BRD4: variants seen among roughly 807,000 people sequenced by gnomAD.
BRD4 encodes bromodomain containing 4, also known as bromodomain-containing protein 4.
BRD4 carries 16 observed loss-of-function variants against 142.1 expected under a neutral mutation model. The ratio of observed to expected loss-of-function variants is 0.11; its 90% CI spans 0.08 to 0.17. BRD4 has a LOEUF of 0.17. BRD4 is among the 10% of genes least tolerant of loss of function. The pLI is 1.00. For missense variants in BRD4, 1,424 were observed against 1,810.9 expected, an observed-to-expected ratio of 0.79 and a Z score of 3.88; for synonymous variants, 833 against 707.5, an observed-to-expected ratio of 1.18 and a Z score of -2.82.
At position 15,265,336 on chromosome 19, in the gene BRD4, A is replaced by G. The variant is rs1249174842; in HGVS notation, c.849+18T>C. The G allele has an allele frequency of 1.1e-5, 17 of 1,485,666 alleles. No individual in the cohort carries two copies. The highest frequency in any genetic ancestry group is 1.3e-5 in the Non-Finnish European group (14 of 1,118,898). The allele number at this position is 1,485,666 out of a possible 1,614,324, so 92.0% of individuals were successfully genotyped here. ...CTCCTCCCTGGTGAAGCAGCCCTCCAGAGTCCAGGAGACTCACCTTCACAG... is the reference window on the plus strand; with the variant it reads ...CTCCTCCCTGGTGAAGCAGCCCTCCGGAGTCCAGGAGACTCACCTTCACAG... On this transcript the variant is annotated intron_variant, in intron 5 of 19. Coordinates refer to ENST00000679869, the MANE Select transcript of BRD4 (RefSeq NM_001379291.1).
In BRD4 at chr19:15,238,359, G is replaced by A; in HGVS notation, c.*18C>T. ...ATGTTTTGCCAGAAAATCAAAGTCA[G>A]AAGCCACCTAGGTGCGCTCAGAAAA... On this transcript the variant is annotated 3_prime_UTR_variant, in exon 20 of 20. Transcript: ENST00000679869. This position sits in a 1 kb window ranked among gnomAD's most constrained non-coding sequence, Gnocchi z 7.2. 6.2e-7 allele frequency: 1 copy of A among 1,613,890 alleles called. No individual in the cohort carries two copies. Among genetic ancestry groups the A allele is most frequent in the Non-Finnish European group, 8.5e-7 (1 of 1,179,896 alleles).
intron 1 of BRD4, among the ~76,000 whole-genome samples, chr19:15,294,550 C>T (rs2047808353): frequency 6.6e-6 from 1 of 152,218 alleles, no homozygotes; most frequent in African/African-American, 2.4e-5. Context: ...GCCCAGAAAT[C>T]CAGGGCTAAT....
rs1360245505 is a variant in BRD4 at position 15,243,072 on chromosome 19, C to T, written c.2997G>A (p.Leu999=). Residue 999 remains leucine (L), a synonymous_variant, in exon 14 of 20, where the codon TTG becomes TTA. Coordinates refer to ENST00000679869, the MANE Select transcript of BRD4 (RefSeq NM_001379291.1). The part of the protein sequence containing the change: ...QHQPPPRPVH[L]QPMQFSTHIQ... ...TGTGGGTGGAAAACTGCATGGGCTG[C>T]AAGTGCACGGGCCGTGGAGGGGGCT... 5 of 1,519,710 alleles carry T rather than the reference C, an allele frequency of 3.3e-6. No homozygotes were observed. The highest frequency in any genetic ancestry group is 1.2e-5 in the South Asian group (1 of 80,234). 94.1% of individuals were successfully genotyped at this position (1,519,710 alleles called of 1,614,324 possible).
intron 5 of BRD4, 124 bp downstream of exon 5, chr19:15,265,230 C>G: frequency 1.0e-6 from 1 of 1,000,362 alleles, no homozygotes; most frequent in Non-Finnish European, 1.4e-6. Flanking sequence ...TTCAACACAG[C>G]AAGATCTCCC....
intron 7 of BRD4, among the ~76,000 whole-genome samples, chr19:15,262,283 C>T (rs944569327): frequency 6.6e-6 from 1 of 152,146 alleles, no homozygotes; most frequent in African/African-American, 2.4e-5. Context: ...TGCAGAAGCC[C>T]GCTGAGGCCT....
intron 1 of BRD4, among the ~76,000 whole-genome samples, chr19:15,298,832 C>CT (rs2047845381): frequency 6.6e-6 from 1 of 152,080 alleles, no homozygotes; most frequent in South Asian, 2.1e-4. Flanking sequence ...ATCAATCCGA[C>CT]TCCGCCTAAG....
In BRD4 at chr19:15,249,160, G is replaced by T; in HGVS notation, c.2159-4398C>A. 3.2e-6 allele frequency: 5 copies of T among 1,544,264 alleles called. No homozygotes were observed. The South Asian group carries it at 5.8e-5, about 18-fold the overall frequency. ...CCGGGGGACAGGCCCAGGGCTCTGA[G>T]GAATTCCATAACTTGATGGAGTCCT... On this transcript the variant is annotated intron_variant, in intron 11 of 19. Transcript: ENST00000679869.
At chr19:15,329,305 C>G (rs983605696) in intron 1 of BRD4, among the ~76,000 whole-genome samples, 1 of 152,160 alleles carries the variant, frequency 6.6e-6, no homozygotes, top group Non-Finnish European at 1.5e-5. Context: ...CAAACATGGT[C>G]TACTCTACAA....
At position 15,236,441 on chromosome 19, in the gene BRD4, AAAG is replaced by A. The variant is rs2047192482; in HGVS notation, c.*1933_*1935del. 1 of 150,088 alleles carries A rather than the reference AAAG, an allele frequency of 6.7e-6. No homozygotes were observed. The highest frequency in any genetic ancestry group is 6.6e-5 in the Admixed American group (1 of 15,086). The allele number at this position is 150,088 out of a possible 1,614,324, so 9.3% of individuals were successfully genotyped here. Reference sequence around the variant, plus strand: ...ATCTGGTTAACCCTGAGCTTAAATGAAAGGAGGAGTTAGGTTGAGGCAGGCAAG... The same window carrying A: ...ATCTGGTTAACCCTGAGCTTAAATGAGAGGAGTTAGGTTGAGGCAGGCAAG... On this transcript the variant is annotated 3_prime_UTR_variant, in exon 20 of 20. Coordinates refer to ENST00000679869, the MANE Select transcript of BRD4 (RefSeq NM_001379291.1).
Position 15,244,719 on chromosome 19 carries a change from C to T in BRD4, c.2202G>A (p.Glu734=), listed in dbSNP as rs760602720. 1 of 1,614,176 alleles carries T rather than the reference C, an allele frequency of 6.2e-7. No homozygotes were observed. The highest frequency in any genetic ancestry group is 2.2e-5 in the East Asian group (1 of 44,886). ...KSKKKGHPGR[E]QKKHHHHHHQ... is the part of the protein sequence containing the mutation. ...CCCTGAGCCCATGTACCTTCTTCTG[C>T]TCCCTCCCGGGGTGCCCCTTCTTTT... Residue 734 remains glutamate (E), a synonymous_variant, in exon 12 of 20, where the codon GAG becomes GAA. Coordinates refer to ENST00000679869, the MANE Select transcript of BRD4 (RefSeq NM_001379291.1).
At chr19:15,290,822 G>A (rs965660338) in intron 1 of BRD4, among the ~76,000 whole-genome samples, 14 of 152,264 alleles carry the variant, frequency 9.2e-5, no homozygotes, top group Admixed American at 3.9e-4. Flanking sequence ...GCTCCCTCAT[G>A]AGTTGGTTTT....
intron 1 of BRD4, among the ~76,000 whole-genome samples, chr19:15,317,118 A>C (rs1164590602): frequency 1.3e-5 from 2 of 152,358 alleles, no homozygotes; most frequent in East Asian, 1.9e-4. Flanking sequence ...TCTGGACACA[A>C]GTGCTCCAAG....
At chr19:15,250,641 C>T (rs1164627648) in intron 11 of BRD4, among the ~76,000 whole-genome samples, 1 of 152,198 alleles carries the variant, frequency 6.6e-6, no homozygotes, top group African/African-American at 2.4e-5. Context: ...CTCCCTGAGA[C>T]CCTGTCCCAG....
intron 9 of BRD4, 91 bp downstream of exon 9, chr19:15,255,973 A>T: frequency 6.5e-7 from 1 of 1,531,076 alleles, no homozygotes; most frequent in Non-Finnish European, 8.8e-7. Context: ...TCCGCACCCA[A>T]TGAGGACAGG....
chr19:15,317,059 T>C (rs1274621490), intron 1 of BRD4, among the ~76,000 whole-genome samples: 3 of 152,198 alleles, frequency 2.0e-5, no homozygotes, highest in African/African-American at 7.2e-5. Flanking sequence ...CAAAGCTGAA[T>C]ATGGTGGACT....
chr19:15,280,430 T>C, intron 1 of BRD4: 1 of 1,014,240 alleles, frequency 9.9e-7, no homozygotes, highest in Non-Finnish European at 1.2e-6. Flanking sequence ...GTCAGACTTC[T>C]AGCAGTAGTA....
At chr19:15,255,141 C>A (rs2047392559) in intron 10 of BRD4, among the ~76,000 whole-genome samples, 156 bp downstream of exon 10, 2 of 149,740 alleles carry the variant, frequency 1.3e-5, no homozygotes, top group African/African-American at 4.9e-5. Context: ...AGTGCAATGT[C>A]ACAACCTTTC....
At chr19:15,284,182 G>A (rs2047724755) in intron 1 of BRD4, among the ~76,000 whole-genome samples, 1 of 152,248 alleles carries the variant, frequency 6.6e-6, no homozygotes. Context: ...ATCTAGACAC[G>A]CTCAAGAAAT....
chr19:15,267,386 G>A, intron 4 of BRD4, 30 bp downstream of exon 4: 2 of 1,608,528 alleles, frequency 1.2e-6, no homozygotes, highest in Non-Finnish European at 1.7e-6. Context: ...CGGGGAGAAA[G>A]CCAATTTACT....
Sources: allele counts gnomAD v4.1 joint callset (sites outside exome capture counted in the v4.1 genomes callset), GRCh38; gene constraint gnomAD v4.1.1; non-coding constraint Gnocchi (gnomAD v3.1); transcripts MANE v1.5; gene names NCBI Gene and HGNC (gene_info 2026-07-23, HGNC 2026-07-21).